The following PPEF1 variants were observed in gnomAD, a reference collection of about 807,000 sequenced individuals.
PPEF1 encodes the protein protein phosphatase with EF-hand domain 1.
A neutral mutation model predicts 53.3 loss-of-function variants in PPEF1; 12 were observed. The observed-to-expected ratio is 0.23, with a 90% CI of 0.14 to 0.36. The LOEUF (loss-of-function observed/expected upper bound fraction) is 0.36, where lower values mean the gene tolerates loss of function less well. Among genes scored for constraint, PPEF1 ranks in the 10% least tolerant of loss-of-function variants. The pLI is 1.00. For missense variants in PPEF1, 334 were observed against 490.4 expected (o/e 0.68, Z 3.01); for synonymous variants, 165 against 176.7 (o/e 0.93, Z 0.52).
chrX:18,722,862 C>A (rs752676144), intron 1 of PPEF1, among the ~76,000 whole-genome samples: 1 of 111,624 alleles, frequency 9.0e-6, no homozygotes, highest in African/African-American at 3.3e-5. Flanking sequence ...GAAAGGCCTC[C>A]CGCAAAGGTG....
At chrX:18,725,474 AAGAG>A (rs1374936483) in intron 1 of PPEF1, among the ~76,000 whole-genome samples, 1 of 111,519 alleles carries the variant, frequency 9.0e-6, no homozygotes, top group Non-Finnish European at 1.9e-5. Flanking sequence ...ACCTGGGGTG[AAGAG>A]CAGTTGCTAG....
chrX:18,818,780 C>T (rs2046971878), intron 13 of PPEF1, among the ~76,000 whole-genome samples: 1 of 111,876 alleles, frequency 8.9e-6, no homozygotes, highest in East Asian at 2.8e-4. Flanking sequence ...CTCACAGTAA[C>T]GTGAATCTTC....
chrX:18,754,673 C>A (rs1210021392), intron 4 of PPEF1, among the ~76,000 whole-genome samples: 1 of 111,991 alleles, frequency 8.9e-6, no homozygotes, highest in Non-Finnish European at 1.9e-5. Flanking sequence ...TCATAGCTCA[C>A]TGAAGCCTTG....
intron 6 of PPEF1, among the ~76,000 whole-genome samples, chrX:18,767,803 G>A (rs1351411891): frequency 9.1e-6 from 1 of 110,400 alleles, no homozygotes; most frequent in African/African-American, 3.3e-5. Flanking sequence ...AAGAAAGGAA[G>A]AAGCACATCT....
intron 3 of PPEF1, among the ~76,000 whole-genome samples, chrX:18,739,789 C>A (rs1022055504): frequency 3.6e-5 from 4 of 112,525 alleles, no homozygotes; most frequent in African/African-American, 1.3e-4. Flanking sequence ...CCACCCAGTT[C>A]AAGCTTCCCG....
At chrX:18,804,876 G>A (rs946310213) in intron 11 of PPEF1, among the ~76,000 whole-genome samples, 7 of 112,181 alleles carry the variant, frequency 6.2e-5, no homozygotes, top group African/African-American at 1.3e-4. Context: ...CCACTAAAAC[G>A]GAGTGTGTTG....
At chrX:18,684,217 C>T (rs1179340745) in intron 1 of PPEF1, among the ~76,000 whole-genome samples, 1 of 111,757 alleles carries the variant, frequency 8.9e-6, no homozygotes. Context: ...ATGGCCTCAT[C>T]TCAAGAAGTC....
chrX:18,791,223 C>T (rs1392103854), intron 10 of PPEF1, among the ~76,000 whole-genome samples: 1 of 111,221 alleles, frequency 9.0e-6, no homozygotes, highest in East Asian at 2.8e-4. Context: ...CTATTCTGGG[C>T]CCCTTGAATT....
At chrX:18,728,576 GTATAT>G (rs2061712098) in intron 1 of PPEF1, among the ~76,000 whole-genome samples, 1 of 111,178 alleles carries the variant, frequency 9.0e-6, no homozygotes, top group Admixed American at 9.6e-5. Context: ...CAAATCATTT[GTATAT>G]TATAACACCA....
chrX:18,818,743 A>T (rs2046970942), intron 13 of PPEF1, among the ~76,000 whole-genome samples: 1 of 111,736 alleles, frequency 8.9e-6, no homozygotes, highest in African/African-American at 3.3e-5. Flanking sequence ...ATTTTGGAGG[A>T]TGTAGAATGT....
intron 1 of PPEF1, among the ~76,000 whole-genome samples, chrX:18,725,196 G>A (rs1246597211): frequency 9.0e-6 from 1 of 111,347 alleles, no homozygotes; most frequent in African/African-American, 3.3e-5. Flanking sequence ...GTCTAGTCAG[G>A]AGGCAGAAAC....
chrX:18,715,750 G>T (rs113086772), intron 1 of PPEF1, among the ~76,000 whole-genome samples: 2 of 111,507 alleles, frequency 1.8e-5, no homozygotes, highest in Non-Finnish European at 3.8e-5. Context: ...CTCATGGGTG[G>T]CAGAGCCTGA....
intron 11 of PPEF1, among the ~76,000 whole-genome samples, chrX:18,805,974 C>T (rs1449306445): frequency 9.1e-6 from 1 of 109,461 alleles, no homozygotes; most frequent in Non-Finnish European, 1.9e-5. Context: ...TTTCTGGGGC[C>T]CTGAACCCTC....
chrX:18,760,777 AT>A lies in PPEF1; in HGVS notation c.512-733del, dbSNP rs35558454. On this transcript the variant is annotated intron_variant, in intron 5 of 15. Coordinates refer to ENST00000470157, the MANE Select transcript of PPEF1 (RefSeq NM_001377996.1). The stretch of plus-strand genomic sequence containing the variant: ...CAGGTGCGCACCACCAAACCTGGCA[AT>A]TTTTTTTTTTTTTTTTTTTGAGATG... 4.6e-3 allele frequency among the ~76,000 whole-genome samples: 339 copies of A among 74,006 alleles called. 1 individual carries two copies. The highest frequency in any genetic ancestry group is 0.017 in the Middle Eastern group (2 of 117). 64.3% of individuals were successfully genotyped at this position (74,006 alleles called of 115,157 possible).
chrX:18,767,357 C>T (rs2147530057), intron 6 of PPEF1, among the ~76,000 whole-genome samples: 1 of 111,518 alleles, frequency 9.0e-6, no homozygotes, highest in African/African-American at 3.3e-5. Context: ...GCAGCCTGGC[C>T]AATATGGTGA....
At chrX:18,737,479 G>A (rs1442625841) in intron 3 of PPEF1, among the ~76,000 whole-genome samples, 12 of 111,955 alleles carry the variant, frequency 1.1e-4, no homozygotes, top group Admixed American at 8.6e-4. Flanking sequence ...TTGCACTGTG[G>A]TCTGAGAGAC....
At chrX:18,676,109 G>A (rs1361211409) in exon 1 of PPEF1, 1 of 110,606 alleles carries the variant, frequency 9.0e-6, no homozygotes, top group Non-Finnish European at 1.9e-5. Context: ...GTCTTCCTGG[G>A]AAGGCCTCTG....
At chrX:18,710,074 C>T (rs1216491311) in intron 1 of PPEF1, among the ~76,000 whole-genome samples, 1 of 111,685 alleles carries the variant, frequency 9.0e-6, no homozygotes, top group East Asian at 2.8e-4. Context: ...GGTATCACAC[C>T]ATGGTTTTCA....
At chrX:18,776,555 A>G (rs749662925) in intron 6 of PPEF1, among the ~76,000 whole-genome samples, 17 of 111,602 alleles carry the variant, frequency 1.5e-4, no homozygotes, top group African/African-American at 5.2e-4. Context: ...GTTTTGATGA[A>G]CGATAGCCTG....
Sources: gnomAD v4.1 joint callset for allele counts (sites outside exome capture counted in the v4.1 genomes callset) on GRCh38, gnomAD v4.1.1 for gene constraint, MANE v1.5 for transcripts, NCBI Gene and HGNC (gene_info 2026-07-23, HGNC 2026-07-21) for gene names.